ADAM29: variants seen among roughly 807,000 people sequenced by gnomAD.
ADAM29 encodes the protein disintegrin and metalloproteinase domain-containing protein 29.
For missense variants in ADAM29, 969 were observed against 1,001.8 expected (o/e 0.97, Z 0.44); for synonymous variants, 367 against 342.3 (o/e 1.07, Z -0.80).
rs1317850804 is a variant in ADAM29, at chr4:174,977,372, T to C, written c.1847T>C (p.Val616Ala). 6.2e-7 allele frequency: 1 copy of C among 1,613,780 alleles called. No individual in the cohort carries two copies. ...IDHICIHRHC[V>A]HITILNSNCS... ...CATATATGCATCCACAGGCACTGTG[T>C]CCATATAACCATCTTGAATAGTAAT... Residue 616 changes from valine to alanine, a missense_variant, in exon 5 of 5, where the codon GTC becomes GCC. Physicochemically the swap from Val to Ala is moderately conservative, Grantham distance 64 (BLOSUM62 0). Coordinates refer to ENST00000359240, the MANE Select transcript of ADAM29 (RefSeq NM_014269.4).
intron 4 of ADAM29, among the ~76,000 whole-genome samples, chr4:174,959,226 G>C (rs1371106691): frequency 2.0e-5 from 3 of 151,698 alleles, no homozygotes; most frequent in African/African-American, 7.3e-5. Context: ...AATGATTTTT[G>C]TGGATGTAGA....
At chr4:174,965,484 CATCTATCTATCTATCTATCT>C (rs60063978) in intron 4 of ADAM29, among the ~76,000 whole-genome samples, 4 of 147,102 alleles carry the variant, frequency 2.7e-5, no homozygotes, top group East Asian at 2.0e-4. Context: ...CTCTATCTAT[CATCTATCTATCTATCTATCT>C]ATCTATCTAT....
chr4:174,960,881 G>A (rs1032655759), intron 4 of ADAM29, among the ~76,000 whole-genome samples: 15 of 152,288 alleles, frequency 9.8e-5, no homozygotes, highest in African/African-American at 3.1e-4. Flanking sequence ...CCTGAAGACA[G>A]GAGATTCATA....
chr4:174,938,495 G>A (rs955826817), intron 4 of ADAM29, among the ~76,000 whole-genome samples: 2 of 152,094 alleles, frequency 1.3e-5, no homozygotes, highest in Non-Finnish European at 2.9e-5. Flanking sequence ...AAAAACTTCT[G>A]TATATACAAA....
At chr4:174,960,695 G>T (rs547160915) in intron 4 of ADAM29, among the ~76,000 whole-genome samples, 1 of 151,978 alleles carries the variant, frequency 6.6e-6, no homozygotes, top group East Asian at 1.9e-4. Flanking sequence ...TATCTTTCTC[G>T]TGCATTTTGA....
At chr4:174,948,600 A>ATGG (rs1744987308) in intron 4 of ADAM29, among the ~76,000 whole-genome samples, 1 of 152,298 alleles carries the variant, frequency 6.6e-6, no homozygotes, top group South Asian at 2.1e-4. Context: ...GCTGCCAACC[A>ATGG]AAGTGCTTTG....
At chr4:174,962,603 T>C (rs901196173) in intron 4 of ADAM29, among the ~76,000 whole-genome samples, 2 of 152,144 alleles carry the variant, frequency 1.3e-5, no homozygotes, top group African/African-American at 2.4e-5. Flanking sequence ...TATTGTATTC[T>C]TGGAAAATGC....
intron 4 of ADAM29, among the ~76,000 whole-genome samples, chr4:174,972,625 C>G (rs1289903752): frequency 6.6e-6 from 1 of 152,130 alleles, no homozygotes; most frequent in Admixed American, 6.5e-5. Flanking sequence ...AAAGCTGACA[C>G]TTGGGATATT....
intron 4 of ADAM29, among the ~76,000 whole-genome samples, chr4:174,937,906 G>T (rs761452689): frequency 6.6e-6 from 1 of 152,062 alleles, no homozygotes. Flanking sequence ...AAAGAAGCAA[G>T]TGATACAGGT....
Position 174,977,614 on chromosome 4 carries a change from C to CTT in ADAM29, c.2091_2092dup (p.Cys698PhefsTer8), listed in dbSNP as rs1332222757. ...TATTTTATTATGTTGTCTTTATCGACTTTGTAAAAAAAGTAAACCAATAAA... is the reference window on the plus strand; with the variant it reads ...TATTTTATTATGTTGTCTTTATCGACTTTTTGTAAAAAAAGTAAACCAATAAA... On this transcript the variant is annotated frameshift_variant, in exon 5 of 5. Coordinates refer to ENST00000359240, the MANE Select transcript of ADAM29 (RefSeq NM_014269.4). LOFTEE classifies it low-confidence loss of function (END_TRUNC). The CTT allele has an allele frequency of 6.2e-7, 1 of 1,613,822 alleles. No individual in the cohort carries two copies. The highest frequency in any genetic ancestry group is 8.5e-7 in the Non-Finnish European group (1 of 1,179,926).
intron 4 of ADAM29, among the ~76,000 whole-genome samples, chr4:174,944,213 T>C (rs1289349624): frequency 6.6e-6 from 1 of 151,882 alleles, no homozygotes; most frequent in Admixed American, 6.6e-5. Context: ...TAGAATGAAA[T>C]GTGTATAATG....
At chr4:174,918,746 T>TA (rs1743010396) in intron 1 of ADAM29, among the ~76,000 whole-genome samples, 1 of 149,822 alleles carries the variant, frequency 6.7e-6, no homozygotes, top group Non-Finnish European at 1.5e-5. Flanking sequence ...TTCTCTAAAT[T>TA]TAAAAAAAAG....
intron 4 of ADAM29, among the ~76,000 whole-genome samples, chr4:174,971,209 A>T (rs1746462777): frequency 6.6e-6 from 1 of 152,184 alleles, no homozygotes. Flanking sequence ...GTACAATAAC[A>T]TATTTGTAAT....
intron 4 of ADAM29, among the ~76,000 whole-genome samples, chr4:174,953,742 G>T (rs879426585): frequency 1.1e-4 from 16 of 151,990 alleles, no homozygotes; most frequent in Non-Finnish European, 1.6e-4. Flanking sequence ...ATGGGGTCTT[G>T]CTCTGTTGCC....
chr4:174,963,538 TC>T (rs1745976697), intron 4 of ADAM29, among the ~76,000 whole-genome samples: 1 of 152,122 alleles, frequency 6.6e-6, no homozygotes, highest in Non-Finnish European at 1.5e-5. Flanking sequence ...TATAGCAAAA[TC>T]CTGATAAGTT....
Position 174,977,345 on chromosome 4 carries a change from A to G in ADAM29, c.1820A>G (p.Asp607Gly). Residue 607 changes from aspartate (D) to glycine (G), a missense_variant, in exon 5 of 5, where the codon GAT (aspartate) becomes GGT (glycine). Asp to Gly is a moderately conservative substitution (Grantham distance 94). Transcript: ENST00000359240. The part of the protein sequence containing the change: ...EVKDGTECGI[D>G]HICIHRHCVH... The stretch of plus-strand genomic sequence containing the variant: ...AAAGATGGAACAGAGTGTGGGATAG[A>G]TCATATATGCATCCACAGGCACTGT... The G allele has an allele frequency of 2.5e-6, 4 of 1,613,616 alleles. No individual in the cohort carries two copies. The highest frequency in any genetic ancestry group is 8.5e-7 in the Non-Finnish European group (1 of 1,180,024).
chr4:174,937,874 G>A (rs1253794817), intron 4 of ADAM29, among the ~76,000 whole-genome samples: 1 of 151,994 alleles, frequency 6.6e-6, no homozygotes, highest in African/African-American at 2.4e-5. Flanking sequence ...ATGACAAATT[G>A]CAATGTTAAA....
In ADAM29 at chr4:174,970,341, G is replaced by A. The variant is rs145964261; in HGVS notation, c.-180-5005G>A. 2.1e-4 allele frequency among the ~76,000 whole-genome samples: 32 copies of A among 152,160 alleles called. No individual in the cohort carries two copies. In the East Asian group the frequency reaches 5.2e-3, roughly 25 times the overall value. On this transcript the variant is annotated intron_variant, in intron 4 of 4. Coordinates refer to ENST00000359240, the MANE Select transcript of ADAM29 (RefSeq NM_014269.4). Reference sequence around the variant, plus strand: ...TAGGGAGATTTCCCTGTATTATACCGTGAGTCCAATGCAATTCCAAAGGTT... The same window carrying A: ...TAGGGAGATTTCCCTGTATTATACCATGAGTCCAATGCAATTCCAAAGGTT...
intron 2 of ADAM29, among the ~76,000 whole-genome samples, chr4:174,923,560 T>TATGG (rs70947473): frequency 8.5e-4 from 98 of 115,916 alleles, no homozygotes; most frequent in Middle Eastern, 5.5e-3. Context: ...TATATATATA[T>TATGG]ACACACACAC....
Sources: allele counts gnomAD v4.1 joint callset (sites outside exome capture counted in the v4.1 genomes callset), GRCh38; gene constraint gnomAD v4.1.1; transcripts MANE v1.5; gene names NCBI Gene and HGNC (gene_info 2026-07-23, HGNC 2026-07-21).